The following OPTC variants were observed in gnomAD, a reference collection of about 807,000 sequenced individuals.
OPTC encodes opticin.
Under a neutral mutation model 25.4 loss-of-function variants are expected in OPTC, and 22 were observed. The observed-to-expected ratio is 0.87, with a 90% CI of 0.62 to 1.24. The LOEUF is 1.24. Among genes scored for constraint, OPTC ranks in the 50% most tolerant of loss-of-function variants. The pLI is 0.00. For synonymous variants in OPTC, 169 were observed against 179.3 expected, an observed-to-expected ratio of 0.94 and a Z score of 0.46; for missense variants, 417 against 425.2, an observed-to-expected ratio of 0.98 and a Z score of 0.17.
chr1:203,499,927 C>T (rs1404224644), intron 5 of OPTC, 76 bp downstream of exon 5: 9 of 1,222,936 alleles, frequency 7.4e-6, no homozygotes, highest in Middle Eastern at 2.6e-4. Flanking sequence ...CACCACCTAC[C>T]TCCACCACTC....
chr1:203,507,572 G>C (rs954042759), intron 7 of OPTC, among the ~76,000 whole-genome samples: 3 of 152,228 alleles, frequency 2.0e-5, no homozygotes, highest in African/African-American at 4.8e-5. Context: ...GTGAAGGGGA[G>C]TGCCTCCCTC....
rs561005492 is a variant in OPTC, at chr1:203,508,391, G to T, written c.*26-255G>T. On this transcript the variant is annotated intron_variant, in intron 7 of 7. Coordinates refer to ENST00000367222, the MANE Select transcript of OPTC (RefSeq NM_014359.4). ...TTAGGAAGCACATGAGGTAATGAAGGTCTCAGCTCAGGAGAACCTTGGGGC... is the reference window on the plus strand; with the variant it reads ...TTAGGAAGCACATGAGGTAATGAAGTTCTCAGCTCAGGAGAACCTTGGGGC... 5.9e-5 allele frequency among the ~76,000 whole-genome samples: 9 copies of T among 152,244 alleles called. 1 individual carries two copies. Among genetic ancestry groups the T allele is most frequent in the Non-Finnish European group, 1.2e-4 (8 of 68,010 alleles).
chr1:203,494,620 G>A (rs1394272896), intron 1 of OPTC, among the ~76,000 whole-genome samples: 1 of 152,072 alleles, frequency 6.6e-6, no homozygotes, highest in Non-Finnish European at 1.5e-5. Flanking sequence ...TAACACTCCA[G>A]GCTGGGCAAC....
In OPTC at chr1:203,498,803, A is replaced by G; in HGVS notation, c.493A>G (p.Ile165Val). ...TAYLYARFNR[I>V]SRIRAEDFKG... ...CTACCTGTATGCACGCTTCAACCGC[A>G]TCAGCCGTATCAGGGCCGAAGACTT... is the stretch of plus-strand genomic sequence containing the variant. Residue 165 changes from isoleucine to valine, a missense_variant, in exon 4 of 8, where the codon ATC becomes GTC. Coordinates refer to ENST00000367222, the MANE Select transcript of OPTC (RefSeq NM_014359.4). The G allele has an allele frequency of 6.2e-7, 1 of 1,614,000 alleles. No homozygotes were observed. The highest frequency in any genetic ancestry group is 8.5e-7 in the Non-Finnish European group (1 of 1,180,014).
At chr1:203,496,537 C>T (rs1455212507) in intron 2 of OPTC, among the ~76,000 whole-genome samples, 1 of 152,162 alleles carries the variant, frequency 6.6e-6, no homozygotes, top group South Asian at 2.1e-4. Flanking sequence ...GTGCCACATC[C>T]CCCATCTCTT....
intron 5 of OPTC, 127 bp from the exon 6 acceptor site, chr1:203,502,787 G>A (rs768752232): frequency 7.5e-5 from 57 of 757,962 alleles, no homozygotes; most frequent in Non-Finnish European, 1.0e-4. Flanking sequence ...AGAGCTTGGC[G>A]CATGGCTGAG....
At chr1:203,500,128 T>C (rs115585204) in intron 5 of OPTC, among the ~76,000 whole-genome samples, 515 of 4,816 alleles carry the variant, frequency 0.11, 5 homozygotes, top group Non-Finnish European at 0.13. Flanking sequence ...CACCACCACC[T>C]ACCTCCACCA....
chr1:203,496,835 GT>G (rs1661288418), intron 2 of OPTC, 141 bp from the exon 3 acceptor site: 6 of 857,118 alleles, frequency 7.0e-6, no homozygotes, highest in Non-Finnish European at 1.2e-5. Flanking sequence ...TTTTTGCACA[GT>G]CTTTCTGCTA....
chr1:203,498,631 C>G, intron 3 of OPTC, 50 bp from the exon 4 acceptor site: 13 of 1,611,236 alleles, frequency 8.1e-6, no homozygotes, highest in African/African-American at 1.3e-5. Context: ...GGGCCATTGG[C>G]CCCAGAGGCT....
chr1:203,494,565 C>A (rs554178794), intron 1 of OPTC, among the ~76,000 whole-genome samples: 20 of 152,140 alleles, frequency 1.3e-4, no homozygotes, highest in Non-Finnish European at 2.5e-4. Flanking sequence ...AGGAGGACTG[C>A]CTGAGCCCAG....
At chr1:203,507,531 G>A (rs4246546) in intron 7 of OPTC, among the ~76,000 whole-genome samples, 23,386 of 152,174 alleles carry the variant, frequency 0.15, 1,958 homozygotes, top group East Asian at 0.32. Context: ...TGCTCTGGGC[G>A]GCACCCTGGT....
Position 203,507,171 on chromosome 1 carries a change from G to A in OPTC, c.*26-1475G>A, listed in dbSNP as rs957196244. Among the ~76,000 whole-genome samples the A allele has an allele frequency of 5.9e-5, 9 of 152,212 alleles. No homozygotes were observed. In the East Asian group the frequency reaches 1.2e-3, roughly 20 times the overall value. Reference sequence around the variant, plus strand: ...TTCTCGATCTTGATGTGAACAGCTAGGCCTCCTGTTTCTCAGGTACCTAAA... The same window carrying A: ...TTCTCGATCTTGATGTGAACAGCTAAGCCTCCTGTTTCTCAGGTACCTAAA... On this transcript the variant is annotated intron_variant, in intron 7 of 7. Coordinates refer to ENST00000367222, the MANE Select transcript of OPTC (RefSeq NM_014359.4).
At chr1:203,503,225 T>C (rs1183246310) in intron 6 of OPTC, among the ~76,000 whole-genome samples, 1 of 152,132 alleles carries the variant, frequency 6.6e-6, no homozygotes, top group Non-Finnish European at 1.5e-5. Flanking sequence ...TTAAAACACT[T>C]TCTCTCCCTC....
intron 2 of OPTC, 117 bp from the exon 3 acceptor site, chr1:203,496,860 C>A: frequency 9.3e-7 from 1 of 1,073,282 alleles, no homozygotes; most frequent in Non-Finnish European, 1.4e-6. Flanking sequence ...TTCCCTCCTC[C>A]TCCTCCACAG....
intron 7 of OPTC, among the ~76,000 whole-genome samples, chr1:203,505,183 G>A (rs933327940): frequency 6.6e-6 from 1 of 152,162 alleles, no homozygotes; most frequent in Non-Finnish European, 1.5e-5. Context: ...GTGATAAGAT[G>A]GTACGCAACA....
chr1:203,500,717 A>T (rs1207808587), intron 5 of OPTC, among the ~76,000 whole-genome samples: 1 of 152,166 alleles, frequency 6.6e-6, no homozygotes, highest in Non-Finnish European at 1.5e-5. Flanking sequence ...AAAGCCTCCA[A>T]TAAGCATTTC....
In OPTC at chr1:203,503,427, G is replaced by A. The variant is rs74137694; in HGVS notation, c.829-123G>A. 2.6e-3 allele frequency: 2,517 copies of A among 985,850 alleles called. 45 individuals carry two copies. The African/African-American group carries it at 0.034, about 13-fold the overall frequency. The allele number at this position is 985,850 out of a possible 1,614,324, so 61.1% of individuals were successfully genotyped here. ...TTGTTGTGTGGCTTTGGCCCTAGATGCTTCAGTTTCTCCAGTTGCACCAGA... is the reference window on the plus strand; with the variant it reads ...TTGTTGTGTGGCTTTGGCCCTAGATACTTCAGTTTCTCCAGTTGCACCAGA... On this transcript the variant is annotated intron_variant, in intron 6 of 7. Transcript: ENST00000367222.
At chr1:203,503,381 C>G (rs1383795152) in intron 6 of OPTC, among the ~76,000 whole-genome samples, 169 bp from the exon 7 acceptor site, 1 of 152,098 alleles carries the variant, frequency 6.6e-6, no homozygotes, top group Non-Finnish European at 1.5e-5. Flanking sequence ...TCCATCCCCC[C>G]TGGGGCTCCT....
At position 203,497,806 on chromosome 1, in the gene OPTC, C is replaced by T. The variant is rs192837505; in HGVS notation, c.370+691C>T. 4.6e-5 allele frequency among the ~76,000 whole-genome samples: 7 copies of T among 152,260 alleles called. No homozygotes were observed. In the East Asian group the frequency reaches 1.4e-3, roughly 29 times the overall value. ...GACCTCTCAGAGCTACAGTCTCAGG[C>T]TTAAAGAGGCCATAAAGGGCCTCAG... On this transcript the variant is annotated intron_variant, in intron 3 of 7. Transcript: ENST00000367222.
Sources: allele counts gnomAD v4.1 joint callset (sites outside exome capture counted in the v4.1 genomes callset), GRCh38; gene constraint gnomAD v4.1.1; transcripts MANE v1.5; gene names NCBI Gene and HGNC (gene_info 2026-07-23, HGNC 2026-07-21).